The following SIAH3 variants were observed in gnomAD, a reference collection of about 807,000 sequenced individuals.
SIAH3 encodes the protein seven in absentia homolog 3.
A neutral mutation model predicts 12.6 loss-of-function variants in SIAH3; 9 were observed. The observed-to-expected ratio is 0.72, with a 90% confidence interval of 0.43 to 1.25. The LOEUF is 1.25. SIAH3 is among the 50% of genes most tolerant of loss of function. The pLI is 0.00. For synonymous variants in SIAH3, 154 were observed against 151.1 expected, an observed-to-expected ratio of 1.02 and a Z score of -0.14; for missense variants, 390 against 365.4, an observed-to-expected ratio of 1.07 and a Z score of -0.55.
In SIAH3 at chr13:45,783,739, C is replaced by G. The variant is rs762491862; in HGVS notation, c.454G>C (p.Ala152Pro). 3.1e-6 allele frequency: 5 copies of G among 1,614,136 alleles called. No homozygotes were observed. The South Asian group carries it at 5.5e-5, about 18-fold the overall frequency. ...TGCATGATGATCCAATCAGCCGGCG[C>G]GGGGAGGTGCATGTCCGTGGCCAGG... The part of the protein sequence containing the change: ...VFLATDMHLP[A>P]PADWIIMHSC... The change falls in exon 2 of 2, where the codon GCG (alanine) becomes CCG (proline). Residue 152 changes from alanine (A) to proline (P), a missense_variant. Transcript: ENST00000400405.
At position 45,823,328 on chromosome 13, in the gene SIAH3, G is replaced by A. The variant is rs372555156; in HGVS notation, c.135+28167C>T. On this transcript the variant is annotated intron_variant, in intron 1 of 1. Transcript: ENST00000400405. ...AAAGCTCCCCAGGCAATTCTAATAC[G>A]TGGCCAGAGCTGAAAACTGCTGCTT... 7.9e-5 allele frequency among the ~76,000 whole-genome samples: 12 copies of A among 152,234 alleles called. No homozygotes were observed. The East Asian group carries it at 1.9e-3, about 25-fold the overall frequency.
At chr13:45,814,270 A>G (rs529926523) in intron 1 of SIAH3, among the ~76,000 whole-genome samples, 41 of 149,894 alleles carry the variant, frequency 2.7e-4, no homozygotes, top group Non-Finnish European at 8.9e-5. Flanking sequence ...AATACAGTCC[A>G]TAACACTCAT....
chr13:45,807,658 G>T (rs1950602650), intron 1 of SIAH3, among the ~76,000 whole-genome samples: 1 of 152,180 alleles, frequency 6.6e-6, no homozygotes, highest in South Asian at 2.1e-4. Flanking sequence ...GTGTAAAAAA[G>T]TCAGGACACA....
intron 1 of SIAH3, among the ~76,000 whole-genome samples, chr13:45,831,935 G>A (rs1164032025): frequency 2.0e-5 from 3 of 152,234 alleles, no homozygotes; most frequent in Non-Finnish European, 4.4e-5. Flanking sequence ...GTCCTTGAGA[G>A]CATACAGCCA....
At chr13:45,846,547 C>T (rs1306634833) in intron 1 of SIAH3, among the ~76,000 whole-genome samples, 20 of 152,086 alleles carry the variant, frequency 1.3e-4, no homozygotes, top group Non-Finnish European at 1.5e-5. Context: ...GGTAAAATAC[C>T]CCCACAGACA....
chr13:45,831,609 AAGG>A (rs1950699524), intron 1 of SIAH3, among the ~76,000 whole-genome samples: 1 of 152,118 alleles, frequency 6.6e-6, no homozygotes, highest in Non-Finnish European at 1.5e-5. Context: ...CTCTAATGAG[AAGG>A]CAGGGACACC....
intron 1 of SIAH3, among the ~76,000 whole-genome samples, chr13:45,815,669 C>T (rs1176709958): frequency 6.6e-6 from 1 of 152,184 alleles, no homozygotes; most frequent in East Asian, 1.9e-4. Flanking sequence ...ACATCTCATC[C>T]ACTAGGAAGG....
chr13:45,826,530 G>A (rs553355096), intron 1 of SIAH3, among the ~76,000 whole-genome samples: 8 of 150,066 alleles, frequency 5.3e-5, no homozygotes, highest in South Asian at 2.1e-4. Flanking sequence ...AATCAATAGC[G>A]TTCTCTGCAA....
intron 1 of SIAH3, among the ~76,000 whole-genome samples, chr13:45,821,131 C>A (rs943599774): frequency 2.0e-5 from 3 of 152,158 alleles, no homozygotes; most frequent in Admixed American, 6.5e-5. Context: ...AAGGTGAGGT[C>A]ATTAAGGTGG....
intron 1 of SIAH3, among the ~76,000 whole-genome samples, chr13:45,847,897 G>A (rs922941780): frequency 1.3e-5 from 2 of 152,084 alleles, no homozygotes; most frequent in Non-Finnish European, 2.9e-5. Flanking sequence ...GCACTACAGA[G>A]CCTTCTCTGG....
intron 1 of SIAH3, among the ~76,000 whole-genome samples, chr13:45,819,563 T>C (rs144425104): frequency 6.6e-6 from 1 of 151,154 alleles, no homozygotes; most frequent in African/African-American, 2.4e-5. Flanking sequence ...AAAAAGGAGG[T>C]TGTGGTGGAA....
At chr13:45,848,366 C>T (rs375757033) in intron 1 of SIAH3, among the ~76,000 whole-genome samples, 73 of 152,258 alleles carry the variant, frequency 4.8e-4, no homozygotes, top group African/African-American at 1.7e-3. Context: ...GCTGAGGTCT[C>T]TTATGTTCAA....
intron 1 of SIAH3, among the ~76,000 whole-genome samples, chr13:45,831,563 A>G (rs1328871134): frequency 6.6e-6 from 1 of 152,210 alleles, no homozygotes; most frequent in Non-Finnish European, 1.5e-5. Flanking sequence ...TATGGTGGGC[A>G]AGGCAGAAAT....
intron 1 of SIAH3, among the ~76,000 whole-genome samples, chr13:45,811,455 T>C (rs749038299): frequency 6.6e-6 from 1 of 152,210 alleles, no homozygotes; most frequent in Non-Finnish European, 1.5e-5. Context: ...GGTCTTGCTC[T>C]GTTGCCTGAA....
intron 1 of SIAH3, among the ~76,000 whole-genome samples, chr13:45,839,026 G>T (rs1816931119): frequency 6.6e-6 from 1 of 152,022 alleles, no homozygotes; most frequent in African/African-American, 2.4e-5. Context: ...AGTTAAATTA[G>T]GTAGGAAATG....
chr13:45,848,702 C>T (rs1229595819), intron 1 of SIAH3, among the ~76,000 whole-genome samples: 1 of 152,188 alleles, frequency 6.6e-6, no homozygotes, highest in Admixed American at 6.5e-5. Context: ...ATAAATGCTT[C>T]CACAAGGAAA....
intron 1 of SIAH3, among the ~76,000 whole-genome samples, chr13:45,833,417 G>A (rs987863056): frequency 3.9e-5 from 6 of 152,050 alleles, no homozygotes; most frequent in African/African-American, 1.4e-4. Context: ...CTGACCAGCT[G>A]CTTGCCATGA....
chr13:45,828,122 T>A (rs1436584426), intron 1 of SIAH3, among the ~76,000 whole-genome samples: 1 of 152,208 alleles, frequency 6.6e-6, no homozygotes, highest in African/African-American at 2.4e-5. Context: ...ATGAGAATAA[T>A]AATAACTGCT....
At chr13:45,817,290 C>T (rs1019157305) in intron 1 of SIAH3, among the ~76,000 whole-genome samples, 10 of 152,198 alleles carry the variant, frequency 6.6e-5, no homozygotes, top group Non-Finnish European at 4.4e-5. Context: ...AATATAGTCA[C>T]ATGCTGTGCA....
Sources: gnomAD v4.1 joint callset for allele counts (sites outside exome capture counted in the v4.1 genomes callset) on GRCh38, gnomAD v4.1.1 for gene constraint, MANE v1.5 for transcripts, NCBI Gene and HGNC (gene_info 2026-07-23, HGNC 2026-07-21) for gene names.